PROCR: variants seen among roughly 807,000 people sequenced by gnomAD.
PROCR encodes protein C receptor, also known as endothelial protein C receptor.
In PROCR, 22 loss-of-function variants were observed where a neutral mutation model predicts 24.2. The observed-to-expected ratio is 0.91, with a 90% CI of 0.65 to 1.30. The LOEUF (loss-of-function observed/expected upper bound fraction) is 1.30. Ranked by LOEUF, PROCR falls within the 50% of genes most tolerant of loss-of-function variation. The pLI, the probability that PROCR is intolerant of heterozygous loss-of-function variation, is 0.00. For missense variants in PROCR, 288 were observed against 307.7 expected, an observed-to-expected ratio of 0.94 and a Z score of 0.48; for synonymous variants, 137 against 139.2, an observed-to-expected ratio of 0.98 and a Z score of 0.11.
Position 35,209,013 on chromosome 20 carries a change from T to A in PROCR, c.95-6880T>A, listed in dbSNP as rs150202252. On this transcript the variant is annotated intron_variant, in intron 1 of 1. Transcript: ENST00000634509. ...AAATATTAATTGAGAGCCTACTATATGCCAGAAATAAGCAGGTATTGTCCT... is the reference window on the plus strand; with the variant it reads ...AAATATTAATTGAGAGCCTACTATAAGCCAGAAATAAGCAGGTATTGTCCT... Among the ~76,000 whole-genome samples the A allele has an allele frequency of 2.6e-5, 4 of 152,294 alleles. No individual in the cohort carries two copies. In the East Asian group the frequency reaches 7.7e-4, roughly 29 times the overall value.
intron 1 of PROCR, among the ~76,000 whole-genome samples, chr20:35,209,025 G>T (rs2060352493): frequency 6.6e-6 from 1 of 152,156 alleles, no homozygotes; most frequent in Non-Finnish European, 1.5e-5. Flanking sequence ...CCAGAAATAA[G>T]CAGGTATTGT....
At chr20:35,206,071 G>A (rs2060341475) in intron 1 of PROCR, among the ~76,000 whole-genome samples, 1 of 151,122 alleles carries the variant, frequency 6.6e-6, no homozygotes, top group Non-Finnish European at 1.5e-5. Flanking sequence ...CAGGATTTTT[G>A]TATGTTGCCC....
chr20:35,184,330 G>T (rs1379673670), intron 1 of PROCR, among the ~76,000 whole-genome samples: 1 of 152,188 alleles, frequency 6.6e-6, no homozygotes, highest in Admixed American at 6.5e-5. Flanking sequence ...AACAAATGGT[G>T]CTGGGATAAT....
chr20:35,193,540 G>A (rs938180834), intron 1 of PROCR, among the ~76,000 whole-genome samples: 2 of 152,140 alleles, frequency 1.3e-5, no homozygotes, highest in African/African-American at 4.8e-5. Context: ...TCACTAAGTT[G>A]TACATTTATA....
At chr20:35,215,403 C>T (rs77893043) in intron 1 of PROCR, among the ~76,000 whole-genome samples, 3,108 of 152,220 alleles carry the variant, frequency 0.02, 90 homozygotes, top group African/African-American at 0.071. Context: ...CCTGATATCC[C>T]CAGCCAGAGT....
chr20:35,199,622 G>A (rs912814689), intron 1 of PROCR, among the ~76,000 whole-genome samples: 82 of 152,080 alleles, frequency 5.4e-4, no homozygotes, highest in African/African-American at 1.5e-3. Flanking sequence ...GGTGGTGGGC[G>A]CCTGTAGTCC....
chr20:35,193,185 T>C (rs1009641124), intron 1 of PROCR, among the ~76,000 whole-genome samples: 6 of 151,516 alleles, frequency 4.0e-5, no homozygotes, highest in Admixed American at 2.6e-4. Flanking sequence ...TTTCTTTTTT[T>C]TTTTTTTTTA....
At chr20:35,182,021 A>G (rs915598014), downstream of PROCR, among the ~76,000 whole-genome samples, 9 of 152,228 alleles carry the variant, frequency 5.9e-5, no homozygotes, top group Non-Finnish European at 8.8e-5. Flanking sequence ...GTGTCTTTAC[A>G]TCATTTGTTC....
chr20:35,207,846 C>T (rs1217707834), intron 1 of PROCR, among the ~76,000 whole-genome samples: 1 of 152,034 alleles, frequency 6.6e-6, no homozygotes, highest in Non-Finnish European at 1.5e-5. Context: ...GGACTGTCTT[C>T]ATCTCTGTTA....
intron 1 of PROCR, among the ~76,000 whole-genome samples, chr20:35,200,053 AT>A (rs2060313011): frequency 6.6e-6 from 1 of 152,250 alleles, no homozygotes; most frequent in South Asian, 2.1e-4. Context: ...ATGTGGCTGA[AT>A]TCTGTAATCT....
intron 1 of PROCR, among the ~76,000 whole-genome samples, chr20:35,195,962 C>T (rs1186067185): frequency 6.6e-6 from 1 of 151,708 alleles, no homozygotes; most frequent in Admixed American, 6.6e-5. Flanking sequence ...GAGCAGACTG[C>T]CTGAGCTCAG....
chr20:35,184,097 GCA>G (rs2086102415), intron 1 of PROCR, among the ~76,000 whole-genome samples: 1 of 152,102 alleles, frequency 6.6e-6, no homozygotes, highest in Admixed American at 6.6e-5. Context: ...CATGGCCAAA[GCA>G]AGAGTAAGCA....
chr20:35,205,417 C>A (rs867324321), intron 1 of PROCR, among the ~76,000 whole-genome samples: 57 of 149,672 alleles, frequency 3.8e-4, no homozygotes, highest in Middle Eastern at 7.0e-3. Context: ...AAAAAAATCT[C>A]TCAGCAAACT....
At chr20:35,193,201 G>A (rs2086188664) in intron 1 of PROCR, among the ~76,000 whole-genome samples, 1 of 150,298 alleles carries the variant, frequency 6.7e-6, no homozygotes, top group Non-Finnish European at 1.5e-5. Context: ...TTTTAAGATG[G>A]AGTCTCGCTC....
intron 1 of PROCR, among the ~76,000 whole-genome samples, chr20:35,188,542 A>G (rs1913129623): frequency 6.6e-6 from 1 of 152,226 alleles, no homozygotes. Context: ...TGGCACAAGG[A>G]AAGAGTCCAA....
upstream of PROCR, among the ~76,000 whole-genome samples, chr20:35,171,762 T>C (rs1170679607): frequency 6.6e-6 from 1 of 152,100 alleles, no homozygotes; most frequent in African/African-American, 2.4e-5. Flanking sequence ...CCCAGGAGTG[T>C]GCTCTAAGTT....
chr20:35,179,994 G>A (rs2086062864), downstream of PROCR, among the ~76,000 whole-genome samples: 1 of 151,974 alleles, frequency 6.6e-6, no homozygotes, highest in East Asian at 1.9e-4. Context: ...GCTTGTAATC[G>A]CAGCACTTTG....
At chr20:35,211,477 T>G (rs6088765) in intron 1 of PROCR, among the ~76,000 whole-genome samples, 80,882 of 151,974 alleles carry the variant, frequency 0.53, 23,300 homozygotes, top group African/African-American at 0.76. Context: ...TGGCCTCTAT[T>G]AAATTAAGAG....
Position 35,176,313 on chromosome 20 carries a change from C to T in PROCR, c.468C>T (p.Val156=), listed in dbSNP as rs752304703. The part of the protein sequence containing the change: ...ERALWQADTQ[V]TSGVVTFTLQ... Reference sequence around the variant, plus strand: ...CCTTGTGGCAGGCAGACACCCAGGTCACCTCCGGAGTGGTCACCTTCACCC... The same window carrying T: ...CCTTGTGGCAGGCAGACACCCAGGTTACCTCCGGAGTGGTCACCTTCACCC... The change falls in exon 3 of 4, where the codon GTC becomes GTT. Residue 156 remains valine, a synonymous_variant. Coordinates refer to ENST00000216968, the MANE Select transcript of PROCR (RefSeq NM_006404.5). 1 of 1,614,230 alleles carries T rather than the reference C, an allele frequency of 6.2e-7. No individual in the cohort carries two copies. The highest frequency in any genetic ancestry group is 1.1e-5 in the South Asian group (1 of 91,086).
Sources: gnomAD v4.1 joint callset for allele counts (sites outside exome capture counted in the v4.1 genomes callset) on GRCh38, gnomAD v4.1.1 for gene constraint, MANE v1.5 for transcripts, NCBI Gene and HGNC (gene_info 2026-07-23, HGNC 2026-07-21) for gene names.